ASPSCR1: variants seen among roughly 807,000 people sequenced by gnomAD.
The protein encoded by ASPSCR1 is tether containing UBX domain for GLUT4.
ASPSCR1 carries 55 observed loss-of-function variants against 68.9 expected under a neutral mutation model. The ratio of observed to expected loss-of-function variants is 0.80; its 90% CI spans 0.64 to 1.00. The LOEUF (loss-of-function observed/expected upper bound fraction) is 1.00, where lower values mean the gene tolerates loss of function less well. ASPSCR1 is among the 50% of genes least tolerant of loss of function. The pLI, the probability that ASPSCR1 is intolerant of heterozygous loss-of-function variation, is 0.00. For missense variants in ASPSCR1, 765 were observed against 762.2 expected, an observed-to-expected ratio of 1.00 and a Z score of -0.04; for synonymous variants, 352 against 332.6, an observed-to-expected ratio of 1.06 and a Z score of -0.63.
intron 15 of ASPSCR1, 59 bp from the exon 16 acceptor site, chr17:82,017,250 G>C: frequency 6.2e-7 from 1 of 1,604,974 alleles, no homozygotes. Flanking sequence ...GCTGGTGGGC[G>C]GGTGGCCGGG....
chr17:82,008,860 C>A, intron 7 of ASPSCR1, 177 bp from the exon 8 acceptor site: 1 of 847,602 alleles, frequency 1.2e-6, no homozygotes, highest in Non-Finnish European at 1.7e-6. Flanking sequence ...GGTCCCCCAG[C>A]TGCTGTGCCC....
In ASPSCR1 at chr17:81,986,851, C is replaced by T. The variant is rs549517848; in HGVS notation, c.374+1244C>T. On this transcript the variant is annotated intron_variant, in intron 4 of 15. Transcript: ENST00000306739. This position sits in a 1 kb window ranked among gnomAD's most constrained non-coding sequence, Gnocchi z 5.2. ...CGCTGCATGGCACGGGTGTTGCGTT[C>T]GTGGGTGAGAGCGCTGAGGTCTGCA... Among the ~76,000 whole-genome samples, 3 of 151,374 alleles carry T rather than the reference C, an allele frequency of 2.0e-5. No homozygotes were observed. The highest frequency in any genetic ancestry group is 2.1e-4 in the South Asian group (1 of 4,756).
At chr17:82,001,472 G>A (rs1420379286) in intron 7 of ASPSCR1, among the ~76,000 whole-genome samples, 1 of 152,196 alleles carries the variant, frequency 6.6e-6, no homozygotes, top group African/African-American at 2.4e-5. Flanking sequence ...GATTGGAATG[G>A]CCACCAAGCG....
chr17:82,011,435 C>T, intron 10 of ASPSCR1, 108 bp from the exon 11 acceptor site: 1 of 1,074,454 alleles, frequency 9.3e-7, no homozygotes, highest in Admixed American at 2.6e-5. Context: ...TGAATTCCCA[C>T]CCCTCGGGGA....
At position 82,000,744 on chromosome 17, in the gene ASPSCR1, A is replaced by G. The variant is rs1322513004; in HGVS notation, c.933+3898A>G. Among the ~76,000 whole-genome samples the G allele has an allele frequency of 3.9e-5, 6 of 152,302 alleles. No homozygotes were observed. The East Asian group carries it at 9.7e-4, about 25-fold the overall frequency. The stretch of plus-strand genomic sequence containing the variant: ...GCGGTTCCTGCCTTTGATGTCAGGC[A>G]TTAATTATTAGAAGGTAGTTTTACT... On this transcript the variant is annotated intron_variant, in intron 7 of 15. Transcript: ENST00000306739.
chr17:81,995,175 G>A (rs1209316615), intron 5 of ASPSCR1: 3 of 486,716 alleles, frequency 6.2e-6, no homozygotes, highest in South Asian at 3.7e-5. Flanking sequence ...TTTCAAAACC[G>A]AGTGTGGCGT....
At chr17:81,991,356 G>T (rs1016379723) in intron 4 of ASPSCR1, among the ~76,000 whole-genome samples, 2 of 152,186 alleles carry the variant, frequency 1.3e-5, no homozygotes, top group Non-Finnish European at 2.9e-5. Context: ...ATCTCAGCCT[G>T]TTCCTCCTTC....
At chr17:82,005,376 G>A (rs1405016464) in intron 7 of ASPSCR1, 1 of 152,240 alleles carries the variant, frequency 6.6e-6, no homozygotes, top group Non-Finnish European at 1.5e-5. Flanking sequence ...TCCTGCTGCA[G>A]CGCCTGTGTG....
intron 12 of ASPSCR1, chr17:82,015,413 C>G: frequency 1.3e-6 from 2 of 1,539,114 alleles, no homozygotes; most frequent in East Asian, 4.6e-5. Context: ...AGCCCAGGTG[C>G]CCCAGGCCTG....
rs374393413 is a variant in ASPSCR1 at position 81,993,331 on chromosome 17, A to G, written c.375-1490A>G. Among the ~76,000 whole-genome samples, 176 of 152,146 alleles carry G rather than the reference A, an allele frequency of 1.2e-3. 2 individuals are homozygous for G. Among genetic ancestry groups the G allele is most frequent in the African/African-American group, 4.2e-3 (173 of 41,492 alleles). On this transcript the variant is annotated intron_variant, in intron 4 of 15. Coordinates refer to ENST00000306739, the MANE Select transcript of ASPSCR1 (RefSeq NM_024083.4). ...TGGGTTCACGCCATTCTCCTGCCTC[A>G]GCCTCCCGAGTAGCTGGGACCACAG...
chr17:82,002,292 G>A (rs986727350), intron 7 of ASPSCR1, among the ~76,000 whole-genome samples: 4 of 149,026 alleles, frequency 2.7e-5, no homozygotes, highest in Middle Eastern at 3.3e-3. Context: ...ACAGTCTCGC[G>A]CTGTCACCCA....
rs529275315 is a variant in ASPSCR1, at chr17:82,002,814, T to TC, written c.933+5971dup. Among the ~76,000 whole-genome samples the TC allele has an allele frequency of 1.1e-3, 173 of 152,258 alleles. 1 individual carries two copies. Among genetic ancestry groups the TC allele is most frequent in the African/African-American group, 4.0e-3 (168 of 41,542 alleles). ...CTCAGGTGATCTGCCTGCTTTGGCC[T>TC]CCCAAATTGTTAGGATTACAGGCGT... On this transcript the variant is annotated intron_variant, in intron 7 of 15. Transcript: ENST00000306739.
At chr17:81,982,620 C>CT (rs1427250711) in intron 2 of ASPSCR1, 1 of 152,232 alleles carries the variant, frequency 6.6e-6, no homozygotes, top group Non-Finnish European at 1.5e-5. Flanking sequence ...CCAGATGCCC[C>CT]TGGGCTGTCT....
intron 7 of ASPSCR1, chr17:82,004,270 C>T (rs910375076): frequency 4.6e-5 from 7 of 152,334 alleles, no homozygotes; most frequent in African/African-American, 1.2e-4. Context: ...GCAGGGCTGC[C>T]CCCGGCATCC....
At chr17:82,017,148 C>T in intron 15 of ASPSCR1, 35 bp downstream of exon 15, 1 of 1,566,840 alleles carries the variant, frequency 6.4e-7, no homozygotes, top group Non-Finnish European at 8.6e-7. Context: ...GGTGCTGTGG[C>T]CGGGTGGAGG....
At chr17:82,001,545 T>G (rs927776327) in intron 7 of ASPSCR1, among the ~76,000 whole-genome samples, 1 of 152,118 alleles carries the variant, frequency 6.6e-6, no homozygotes, top group Non-Finnish European at 1.5e-5. Flanking sequence ...TTTAGAAGCC[T>G]GGTGACTGAC....
rs2041874336 is a variant in ASPSCR1 at position 81,983,749 on chromosome 17, G to C, written c.273+81G>C. ...CCAGGGACGGGGGACGGGACAGTGG[G>C]GGGTGCTGGGGAAGGAGGGACATGA... On this transcript the variant is annotated intron_variant, in intron 3 of 15. Transcript: ENST00000306739. The surrounding 1 kb of genome is among the most constrained non-coding windows in gnomAD (Gnocchi z 4.4). 3 of 1,211,804 alleles carry C rather than the reference G, an allele frequency of 2.5e-6. No homozygotes were observed. Among genetic ancestry groups the C allele is most frequent in the Non-Finnish European group, 3.5e-6 (3 of 848,550 alleles). 75.1% of individuals were successfully genotyped at this position (1,211,804 alleles called of 1,614,324 possible).
chr17:81,995,288 G>C (rs113732613), intron 5 of ASPSCR1: 9 of 372,582 alleles, frequency 2.4e-5, no homozygotes, highest in Non-Finnish European at 4.3e-5. Context: ...TGCTGGGGTG[G>C]GGGGGCACTG....
chr17:81,991,271 C>G (rs1043460681), intron 4 of ASPSCR1, among the ~76,000 whole-genome samples: 1 of 152,222 alleles, frequency 6.6e-6, no homozygotes, highest in Non-Finnish European at 1.5e-5. Context: ...TGCCCGGCCC[C>G]TGGCTGGATC....
Sources: gnomAD v4.1 joint callset for allele counts (sites outside exome capture counted in the v4.1 genomes callset) on GRCh38, gnomAD v4.1.1 for gene constraint, Gnocchi (gnomAD v3.1) non-coding constraint, MANE v1.5 for transcripts, NCBI Gene and HGNC (gene_info 2026-07-23, HGNC 2026-07-21) for gene names.